The following DMRT1 variants were observed in gnomAD, a reference collection of about 807,000 sequenced individuals.
DMRT1 encodes doublesex- and mab-3-related transcription factor 1.
Under a neutral mutation model 32.3 loss-of-function variants are expected in DMRT1, and 7 were observed. The ratio of observed to expected loss-of-function variants is 0.22; its 90% CI spans 0.12 to 0.41. The LOEUF (loss-of-function observed/expected upper bound fraction) is 0.41, where lower values mean the gene tolerates loss of function less well. DMRT1 is among the 10% of genes least tolerant of loss of function. The probability of loss-of-function intolerance (pLI) is 1.00; values close to 1 mark genes in which losing one functional copy is unlikely to be tolerated. For synonymous variants in DMRT1, 278 were observed against 206.1 expected (o/e 1.35, Z -2.99); for missense variants, 625 against 500.5 (o/e 1.25, Z -2.37).
intron 3 of DMRT1, among the ~76,000 whole-genome samples, chr9:901,976 G>A (rs1196658503): frequency 3.5e-5 from 5 of 143,734 alleles, no homozygotes; most frequent in African/African-American, 1.3e-4. Context: ...GCAGTGATGC[G>A]ATCTCAGCCC....
intron 3 of DMRT1, among the ~76,000 whole-genome samples, chr9:901,040 G>T (rs1386001729): frequency 1.3e-5 from 2 of 151,488 alleles, no homozygotes; most frequent in East Asian, 3.9e-4. Context: ...AATTGAGAAG[G>T]ATCTTGCTCT....
At chr9:844,785 A>ATTTCAGCTCACGGCAACC (rs1838833486) in intron 1 of DMRT1, among the ~76,000 whole-genome samples, 1 of 140,182 alleles carries the variant, frequency 7.1e-6, no homozygotes, top group African/African-American at 2.7e-5. Context: ...CAGTGGCATG[A>ATTTCAGCTCACGGCAACC]TTTCAGCTCA....
intron 4 of DMRT1, among the ~76,000 whole-genome samples, chr9:942,479 C>T (rs1346554494): frequency 6.6e-6 from 1 of 152,220 alleles, no homozygotes; most frequent in African/African-American, 2.4e-5. Context: ...AGCCATGTTG[C>T]CGAAGCTGGT....
Position 943,006 on chromosome 9 carries a change from T to C in DMRT1, c.968-24979T>C, listed in dbSNP as rs564663839. ...CACCCCTCCCCCCAACCCTATATGATGCTGCTTAGTGAAGTATACAGGATA... is the reference window on the plus strand; with the variant it reads ...CACCCCTCCCCCCAACCCTATATGACGCTGCTTAGTGAAGTATACAGGATA... On this transcript the variant is annotated intron_variant, in intron 4 of 4. Coordinates refer to ENST00000382276, the MANE Select transcript of DMRT1 (RefSeq NM_021951.3). 2.0e-5 allele frequency among the ~76,000 whole-genome samples: 3 copies of C among 151,300 alleles called. No homozygotes were observed. The South Asian group carries it at 6.3e-4, about 32-fold the overall frequency.
At chr9:890,344 G>A (rs1329707361) in intron 2 of DMRT1, among the ~76,000 whole-genome samples, 7 of 152,150 alleles carry the variant, frequency 4.6e-5, no homozygotes, top group African/African-American at 1.7e-4. Context: ...TGGAATAATG[G>A]CATTGGAATG....
chr9:923,330 T>G (rs972549599), intron 4 of DMRT1, among the ~76,000 whole-genome samples: 13 of 152,128 alleles, frequency 8.5e-5, no homozygotes, highest in African/African-American at 3.1e-4. Flanking sequence ...AGCGGCCATG[T>G]GGGGTGGTAG....
chr9:926,213 T>G (rs1818519717), intron 4 of DMRT1, among the ~76,000 whole-genome samples: 1 of 152,216 alleles, frequency 6.6e-6, no homozygotes. Context: ...CAGTATAAAC[T>G]TTAAGATACC....
chr9:948,035 C>G (rs568158123), intron 4 of DMRT1, among the ~76,000 whole-genome samples: 3 of 152,136 alleles, frequency 2.0e-5, no homozygotes, highest in African/African-American at 7.2e-5. Context: ...TTCATTTTCT[C>G]CACCTTGACT....
At chr9:850,039 G>C (rs979166926) in intron 2 of DMRT1, among the ~76,000 whole-genome samples, 11 of 152,280 alleles carry the variant, frequency 7.2e-5, no homozygotes, top group Admixed American at 6.5e-5. Flanking sequence ...GGCTGGTCTC[G>C]AACTCCCGAC....
intron 2 of DMRT1, among the ~76,000 whole-genome samples, chr9:886,084 A>G (rs1816916885): frequency 6.6e-6 from 1 of 152,136 alleles, no homozygotes; most frequent in South Asian, 2.1e-4. Flanking sequence ...TCCCTTCAAT[A>G]TACTTCTGTG....
At chr9:912,283 G>C (rs1818018222) in intron 3 of DMRT1, among the ~76,000 whole-genome samples, 2 of 152,126 alleles carry the variant, frequency 1.3e-5, no homozygotes, top group Non-Finnish European at 2.9e-5. Flanking sequence ...TTGACACGTG[G>C]AGATTACGGT....
chr9:887,277 C>G (rs1335163540), intron 2 of DMRT1, among the ~76,000 whole-genome samples: 1 of 152,182 alleles, frequency 6.6e-6, no homozygotes, highest in African/African-American at 2.4e-5. Flanking sequence ...TCATGAAGTT[C>G]CTTCCTTTAC....
intron 4 of DMRT1, among the ~76,000 whole-genome samples, chr9:948,720 A>T (rs1404896087): frequency 1.3e-5 from 2 of 151,848 alleles, no homozygotes; most frequent in East Asian, 3.9e-4. Flanking sequence ...CCAACACTTT[A>T]CTCCACCCAA....
At chr9:869,162 A>T (rs1427586130) in intron 2 of DMRT1, among the ~76,000 whole-genome samples, 1 of 152,200 alleles carries the variant, frequency 6.6e-6, no homozygotes, top group African/African-American at 2.4e-5. Flanking sequence ...TTAGATTTTT[A>T]TCCGGGGGCG....
intron 2 of DMRT1, 49 bp from the exon 3 acceptor site, chr9:893,863 G>A (rs1009371197): frequency 1.3e-6 from 2 of 1,566,140 alleles, no homozygotes; most frequent in African/African-American, 1.4e-5. Flanking sequence ...AAAGTTTCGT[G>A]GACTAACATT....
At chr9:935,069 G>C (rs1044357203) in intron 4 of DMRT1, among the ~76,000 whole-genome samples, 4 of 152,224 alleles carry the variant, frequency 2.6e-5, no homozygotes, top group African/African-American at 9.6e-5. Flanking sequence ...GAAGCAGTGA[G>C]AATAGTAGTG....
At chr9:952,019 G>C (rs745901406) in intron 4 of DMRT1, among the ~76,000 whole-genome samples, 6 of 152,148 alleles carry the variant, frequency 3.9e-5, no homozygotes, top group Non-Finnish European at 7.3e-5. Context: ...CTTTAACATT[G>C]TTGTTTTCCT....
At chr9:850,965 G>T (rs911138859) in intron 2 of DMRT1, among the ~76,000 whole-genome samples, 51 of 150,162 alleles carry the variant, frequency 3.4e-4, no homozygotes, top group African/African-American at 1.2e-3. Context: ...GGAGGTGGAG[G>T]TTGCAGTGAG....
chr9:848,938 T>A (rs1839023553), intron 2 of DMRT1, among the ~76,000 whole-genome samples: 1 of 149,660 alleles, frequency 6.7e-6, no homozygotes, highest in South Asian at 2.1e-4. Context: ...GTCAAAGGTT[T>A]AGTGACTAAA....
Sources: gnomAD v4.1 joint callset for allele counts (sites outside exome capture counted in the v4.1 genomes callset) on GRCh38, gnomAD v4.1.1 for gene constraint, MANE v1.5 for transcripts, NCBI Gene and HGNC (gene_info 2026-07-23, HGNC 2026-07-21) for gene names.